The following RNF157 variants were observed in gnomAD, a reference collection of about 807,000 sequenced individuals.
RNF157 encodes E3 ubiquitin ligase RNF157.
A neutral mutation model predicts 88.3 loss-of-function variants in RNF157; 55 were observed. The observed-to-expected ratio is 0.62, with a 90% CI of 0.50 to 0.78. The LOEUF is 0.78. RNF157 is among the 30% of genes least tolerant of loss of function. RNF157 has a pLI of 0.00. For missense variants in RNF157, 788 were observed against 860.8 expected, an observed-to-expected ratio of 0.92 and a Z score of 1.06; for synonymous variants, 334 against 341.2, an observed-to-expected ratio of 0.98 and a Z score of 0.23.
chr17:76,220,090 G>C (rs1201498895), intron 1 of RNF157, among the ~76,000 whole-genome samples: 1 of 152,068 alleles, frequency 6.6e-6, no homozygotes, highest in African/African-American at 2.4e-5. Flanking sequence ...CAAAGTAGGA[G>C]GGGGTGCCGC....
At position 76,159,503 on chromosome 17, in the gene RNF157, G is replaced by C; in HGVS notation, c.1136C>G (p.Pro379Arg). ...LLEALNGPLT[P>R]SPAVPPLHVL... ...GTGAAGTGGAGGAACTGCTGGGGAC[G>C]GGGTGAGGGGCCCGTTGAGGGCCTC... The change falls in exon 12 of 19, where the codon CCG (proline) becomes CGG (arginine). Residue 379 changes from proline (P) to arginine (R), a missense_variant. Physicochemically the swap from Pro to Arg is moderately radical, Grantham distance 103 (BLOSUM62 -2). Transcript: ENST00000269391. 1 of 1,607,896 alleles carries C rather than the reference G, an allele frequency of 6.2e-7. No homozygotes were observed. The highest frequency in any genetic ancestry group is 8.5e-7 in the Non-Finnish European group (1 of 1,178,096).
At chr17:76,170,932 G>T (rs1425121135) in intron 3 of RNF157, among the ~76,000 whole-genome samples, 2 of 150,964 alleles carry the variant, frequency 1.3e-5, no homozygotes, top group Non-Finnish European at 3.0e-5. Context: ...TCACTCTGTC[G>T]CCCAGGCTGA....
At chr17:76,212,607 A>T (rs755227603) in intron 1 of RNF157, 125 bp from the exon 2 acceptor site, 4 of 614,974 alleles carry the variant, frequency 6.5e-6, no homozygotes, top group Non-Finnish European at 1.1e-5. Flanking sequence ...CACACCTGTA[A>T]TCCCAGCACT....
rs1417210980 is a variant in RNF157, at chr17:76,176,984, C to T, written c.208-3194G>A. 6.6e-6 allele frequency among the ~76,000 whole-genome samples: 1 copy of T among 152,168 alleles called. No individual in the cohort carries two copies. Among genetic ancestry groups the T allele is most frequent in the East Asian group, 1.9e-4 (1 of 5,190 alleles). On this transcript the variant is annotated intron_variant, in intron 2 of 18. Coordinates refer to ENST00000269391, the MANE Select transcript of RNF157 (RefSeq NM_052916.3). This position sits in a 1 kb window ranked among gnomAD's most constrained non-coding sequence, Gnocchi z 4.2. ...GGGCTGCGCCCCCAGGTCTGCCCCA[C>T]ATTGGGGTGACCACTGAGCCTGACA...
rs113593430 is a variant in RNF157, at chr17:76,170,236, CTGTTT to C, written c.297-2444_297-2440del. 7.2e-5 allele frequency among the ~76,000 whole-genome samples: 11 copies of C among 151,972 alleles called. 1 individual carries two copies. Among genetic ancestry groups the C allele is most frequent in the African/African-American group, 2.7e-4 (11 of 41,378 alleles). On this transcript the variant is annotated intron_variant, in intron 3 of 18. Transcript: ENST00000269391. Reference sequence around the variant, plus strand: ...CAGTATGCCAGGATCCACTCACCTGCTGTTTTGTTTTGAGACAGGGTCTCACTCTT... The same window carrying C: ...CAGTATGCCAGGATCCACTCACCTGCTGTTTTGAGACAGGGTCTCACTCTT...
At chr17:76,163,526 G>A (rs2068877843) in intron 8 of RNF157, 2 of 152,106 alleles carry the variant, frequency 1.3e-5, no homozygotes, top group Non-Finnish European at 2.9e-5. Context: ...AACTACCAAG[G>A]CCCAATCCCA....
At chr17:76,173,631 G>T (rs1309402344) in intron 3 of RNF157, 71 bp downstream of exon 3, 1 of 1,211,276 alleles carries the variant, frequency 8.3e-7, no homozygotes, top group Middle Eastern at 2.7e-4. Flanking sequence ...TCCTTGGGAA[G>T]TCTGTCCCCC....
At chr17:76,147,759 C>T (rs1195935094) in intron 18 of RNF157, among the ~76,000 whole-genome samples, 1 of 152,210 alleles carries the variant, frequency 6.6e-6, no homozygotes, top group Non-Finnish European at 1.5e-5. Flanking sequence ...GCTGAGGGGC[C>T]TTCCAGAGCA....
Position 76,167,851 on chromosome 17 carries a change from T to C in RNF157, c.297-54A>G, listed in dbSNP as rs140352908. 1.4e-3 allele frequency: 2,204 copies of C among 1,550,928 alleles called. 27 individuals carry two copies. The African/African-American group carries it at 0.027, about 19-fold the overall frequency. ...GAGTAGCATATCAATATTTTAAAAT[T>C]TACCTTTAAAAAAATTAGCAATATA... On this transcript the variant is annotated intron_variant, in intron 3 of 18. Coordinates refer to ENST00000269391, the MANE Select transcript of RNF157 (RefSeq NM_052916.3).
intron 2 of RNF157, among the ~76,000 whole-genome samples, chr17:76,206,991 C>T (rs900954172): frequency 6.6e-6 from 1 of 152,218 alleles, no homozygotes; most frequent in African/African-American, 2.4e-5. Flanking sequence ...ATACGTTTGC[C>T]AAGGTTACAA....
intron 12 of RNF157, 71 bp from the exon 13 acceptor site, chr17:76,158,572 G>A: frequency 9.1e-7 from 1 of 1,095,356 alleles, no homozygotes. Flanking sequence ...TGCAAGGGGA[G>A]CTGAGGGGAA....
chr17:76,194,928 T>C (rs1598420760), intron 2 of RNF157, among the ~76,000 whole-genome samples: 1 of 152,026 alleles, frequency 6.6e-6, no homozygotes, highest in Non-Finnish European at 1.5e-5. Context: ...GGCAGCAGAA[T>C]GGCGTGAACC....
rs149234707 is a variant in RNF157, at chr17:76,207,164, C to T, written c.207+5200G>A. Among the ~76,000 whole-genome samples, 197 of 152,244 alleles carry T rather than the reference C, an allele frequency of 1.3e-3. 1 individual carries two copies. Among genetic ancestry groups the T allele is most frequent in the Non-Finnish European group, 2.0e-3 (138 of 68,020 alleles). On this transcript the variant is annotated intron_variant, in intron 2 of 18. Coordinates refer to ENST00000269391, the MANE Select transcript of RNF157 (RefSeq NM_052916.3). ...GGCTTGGTGGCTCACACCTGCAATC[C>T]CAACACTTTGGAAGGCTGAGGCAGG...
At chr17:76,165,574 G>A (rs1198054544) in intron 6 of RNF157, 29 bp from the exon 7 acceptor site, 1 of 1,613,742 alleles carries the variant, frequency 6.2e-7, no homozygotes, top group South Asian at 1.1e-5. Flanking sequence ...CGTGAGTGAA[G>A]AAGCCCAAAC....
At chr17:76,147,260 A>C in intron 18 of RNF157, 1 of 984,566 alleles carries the variant, frequency 1.0e-6, no homozygotes, top group African/African-American at 1.7e-5. Flanking sequence ...AATTTGGTAG[A>C]TCTCATACCT....
intron 1 of RNF157, among the ~76,000 whole-genome samples, chr17:76,219,925 C>G (rs1325545885): frequency 6.6e-6 from 1 of 151,876 alleles, no homozygotes; most frequent in Non-Finnish European, 1.5e-5. Context: ...TATTGAGAAT[C>G]AGAGAGAAAG....
At chr17:76,209,071 T>C (rs1246313349) in intron 2 of RNF157, among the ~76,000 whole-genome samples, 1 of 152,046 alleles carries the variant, frequency 6.6e-6, no homozygotes, top group Non-Finnish European at 1.5e-5. Context: ...TGATGTTCTT[T>C]TTTTTTTTAA....
intron 1 of RNF157, among the ~76,000 whole-genome samples, chr17:76,217,375 CT>C (rs2069906639): frequency 6.6e-6 from 1 of 152,092 alleles, no homozygotes; most frequent in African/African-American, 2.4e-5. Context: ...CAAAAATTTG[CT>C]TTTTCCTTTC....
chr17:76,204,534 T>C (rs1191543125), intron 2 of RNF157, among the ~76,000 whole-genome samples: 3 of 152,230 alleles, frequency 2.0e-5, no homozygotes, highest in African/African-American at 4.8e-5. Context: ...ACTTGTTGAA[T>C]GAATGAATAG....
Sources: allele counts gnomAD v4.1 joint callset (sites outside exome capture counted in the v4.1 genomes callset), GRCh38; gene constraint gnomAD v4.1.1; non-coding constraint Gnocchi (gnomAD v3.1); transcripts MANE v1.5; gene names NCBI Gene and HGNC (gene_info 2026-07-23, HGNC 2026-07-21).